CDH20: variants seen among roughly 807,000 people sequenced by gnomAD.
CDH20 encodes the protein cadherin-20.
A neutral mutation model predicts 74.2 loss-of-function variants in CDH20; 29 were observed. The ratio of observed to expected loss-of-function variants is 0.39; its 90% CI spans 0.29 to 0.53. The LOEUF is 0.53. Among genes scored for constraint, CDH20 ranks in the 20% least tolerant of loss-of-function variants. CDH20 has a pLI of 0.69. For missense variants in CDH20, 988 were observed against 1,048.3 expected (o/e 0.94, Z 0.79); for synonymous variants, 469 against 405.4 (o/e 1.16, Z -1.88).
chr18:61,522,513 G>A (rs866942137), intron 6 of CDH20, among the ~76,000 whole-genome samples: 1 of 152,156 alleles, frequency 6.6e-6, no homozygotes, highest in African/African-American at 2.4e-5. Flanking sequence ...TAGATTCAAT[G>A]CTATCCTCAT....
At chr18:61,494,371 T>G (rs897415128) in intron 2 of CDH20, among the ~76,000 whole-genome samples, 4 of 152,130 alleles carry the variant, frequency 2.6e-5, no homozygotes, top group African/African-American at 9.7e-5. Context: ...TACTCACAAT[T>G]AGTGCTCGCC....
In CDH20 at chr18:61,468,423, GGT is replaced by G. The variant is rs372530269; in HGVS notation, c.-152-21973_-152-21972del. Among the ~76,000 whole-genome samples the G allele has an allele frequency of 1.3e-3, 197 of 152,254 alleles. 1 individual carries two copies. The highest frequency in any genetic ancestry group is 4.5e-3 in the African/African-American group (187 of 41,548). ...TCATTTCTGTCTGTAGGGATGTGTA[GGT>G]GTGTGAGTGTGTGTGTTTGGGGAGG... On this transcript the variant is annotated intron_variant, in intron 1 of 11. Transcript: ENST00000262717.
chr18:61,443,634 C>T (rs767780299), intron 1 of CDH20, among the ~76,000 whole-genome samples: 3 of 152,126 alleles, frequency 2.0e-5, no homozygotes, highest in South Asian at 2.1e-4. Flanking sequence ...GAATGCAAAT[C>T]AGCTGCATGA....
intron 1 of CDH20, among the ~76,000 whole-genome samples, chr18:61,427,208 C>T (rs1341456006): frequency 6.6e-6 from 1 of 152,090 alleles, no homozygotes; most frequent in African/African-American, 2.4e-5. Context: ...ACATTACATA[C>T]AATAACATTA....
intron 1 of CDH20, among the ~76,000 whole-genome samples, chr18:61,363,076 T>C (rs1192187728): frequency 2.6e-5 from 4 of 152,160 alleles, no homozygotes; most frequent in Admixed American, 2.6e-4. Flanking sequence ...TTATGATTAA[T>C]TAATGAGTGT....
At chr18:61,551,531 G>A (rs1349314751) in intron 11 of CDH20, among the ~76,000 whole-genome samples, 3 of 152,188 alleles carry the variant, frequency 2.0e-5, no homozygotes, top group African/African-American at 4.8e-5. Flanking sequence ...AATACAACAT[G>A]TGGTTTAATT....
chr18:61,452,110 C>A (rs925811551), intron 1 of CDH20, among the ~76,000 whole-genome samples: 1 of 151,988 alleles, frequency 6.6e-6, no homozygotes, highest in Non-Finnish European at 1.5e-5. Flanking sequence ...CAAAAAACAC[C>A]CCCTCCCAAC....
At chr18:61,524,893 C>G (rs1445886602) in intron 6 of CDH20, among the ~76,000 whole-genome samples, 1 of 152,022 alleles carries the variant, frequency 6.6e-6, no homozygotes, top group East Asian at 1.9e-4. Context: ...TGCACTCCAG[C>G]CTGGGTAACA....
At chr18:61,475,042 A>T (rs1209346402) in intron 1 of CDH20, among the ~76,000 whole-genome samples, 1 of 152,196 alleles carries the variant, frequency 6.6e-6, no homozygotes, top group Non-Finnish European at 1.5e-5. Context: ...AGATTTTATC[A>T]GTTAAAAAAT....
chr18:61,449,097 G>T (rs1209576964), intron 1 of CDH20, among the ~76,000 whole-genome samples: 4 of 152,064 alleles, frequency 2.6e-5, no homozygotes, highest in African/African-American at 9.7e-5. Flanking sequence ...ATTCACATAG[G>T]ACTTTTCTCA....
At chr18:61,521,496 A>G (rs1912205730) in intron 6 of CDH20, among the ~76,000 whole-genome samples, 1 of 151,366 alleles carries the variant, frequency 6.6e-6, no homozygotes, top group South Asian at 2.1e-4. Flanking sequence ...CCAGAGGTAC[A>G]ATGAGGAGCT....
At chr18:61,398,545 TA>T (rs889329698) in intron 1 of CDH20, among the ~76,000 whole-genome samples, 2 of 152,140 alleles carry the variant, frequency 1.3e-5, no homozygotes, top group Non-Finnish European at 2.9e-5. Context: ...TTTCAATGTG[TA>T]AAAACAACAA....
chr18:61,485,943 G>T (rs890358231), intron 1 of CDH20, among the ~76,000 whole-genome samples: 1 of 152,068 alleles, frequency 6.6e-6, no homozygotes, highest in Non-Finnish European at 1.5e-5. Context: ...TGTGGTGGCG[G>T]GCACCTGCAG....
rs181782174 is a variant in CDH20 at position 61,509,051 on chromosome 18, C to A, written c.1017+1491C>A. Among the ~76,000 whole-genome samples, 769 of 152,264 alleles carry A rather than the reference C, an allele frequency of 5.1e-3. 5 individuals are homozygous for A. Among genetic ancestry groups the A allele is most frequent in the African/African-American group, 0.017 (703 of 41,564 alleles). On this transcript the variant is annotated intron_variant, in intron 6 of 11. Coordinates refer to ENST00000262717, the MANE Select transcript of CDH20 (RefSeq NM_031891.4). ...AGGGCGTAAAGGCATAAGAATGATA[C>A]AGTGGACTTTGGGGACTTGGAGGAA... is the stretch of plus-strand genomic sequence containing the variant.
intron 1 of CDH20, among the ~76,000 whole-genome samples, chr18:61,465,234 C>G (rs927142361): frequency 4.6e-5 from 7 of 152,160 alleles, no homozygotes; most frequent in Admixed American, 2.0e-4. Context: ...ACTTTCTACA[C>G]ATATACCCCT....
intron 1 of CDH20, among the ~76,000 whole-genome samples, chr18:61,342,923 A>C (rs979308850): frequency 6.6e-6 from 1 of 152,202 alleles, no homozygotes; most frequent in African/African-American, 2.4e-5. Flanking sequence ...TTTCCCTACT[A>C]AACTGGTTTC....
chr18:61,549,833 C>A, intron 10 of CDH20, 145 bp from the exon 11 acceptor site: 1 of 838,964 alleles, frequency 1.2e-6, no homozygotes, highest in Admixed American at 2.7e-5. Flanking sequence ...CTGATCCAGG[C>A]AAACCCGCCA....
intron 1 of CDH20, among the ~76,000 whole-genome samples, chr18:61,344,766 A>C (rs576594373): frequency 6.6e-6 from 1 of 152,350 alleles, no homozygotes; most frequent in South Asian, 2.1e-4. Flanking sequence ...ATTAGAACCT[A>C]GGTCTCCAGA....
At chr18:61,545,871 G>A (rs778967409) in intron 10 of CDH20, among the ~76,000 whole-genome samples, 5 of 152,070 alleles carry the variant, frequency 3.3e-5, no homozygotes, top group Non-Finnish European at 5.9e-5. Context: ...ACTGCTCCCC[G>A]CTATAGCTTT....
Sources: allele counts gnomAD v4.1 joint callset (sites outside exome capture counted in the v4.1 genomes callset), GRCh38; gene constraint gnomAD v4.1.1; transcripts MANE v1.5; gene names NCBI Gene and HGNC (gene_info 2026-07-23, HGNC 2026-07-21).